The following PIGH variants were observed in gnomAD, a reference collection of about 807,000 sequenced individuals.
The protein encoded by PIGH is phosphatidylinositol glycan anchor biosynthesis class H.
Under a neutral mutation model 20.1 loss-of-function variants are expected in PIGH, and 11 were observed. That is an observed-to-expected ratio of 0.55 (90% confidence interval 0.34 to 0.91). The LOEUF (loss-of-function observed/expected upper bound fraction) is 0.91, where lower values mean the gene tolerates loss of function less well. Among genes scored for constraint, PIGH ranks in the 40% least tolerant of loss-of-function variants. PIGH has a pLI of 0.02. For missense variants in PIGH, 189 were observed against 233.6 expected, an observed-to-expected ratio of 0.81 and a Z score of 1.24; for synonymous variants, 72 against 93.1, an observed-to-expected ratio of 0.77 and a Z score of 1.31.
At chr14:67,598,511 T>C (rs2036514586) in intron 1 of PIGH, among the ~76,000 whole-genome samples, 1 of 147,054 alleles carries the variant, frequency 6.8e-6, no homozygotes, top group African/African-American at 2.5e-5. Flanking sequence ...TTTCCTTCGT[T>C]CTAGGGCTAA....
intron 3 of PIGH, among the ~76,000 whole-genome samples, chr14:67,590,427 C>T (rs911233283): frequency 1.4e-4 from 22 of 152,116 alleles, no homozygotes; most frequent in African/African-American, 2.2e-4. Context: ...GGCACAATCT[C>T]GGCTCACTGA....
rs1409401933 is a variant in PIGH, at chr14:67,600,066, G to C, written c.138C>G (p.Cys46Trp). 1.3e-6 allele frequency: 2 copies of C among 1,591,160 alleles called. No homozygotes were observed. The highest frequency in any genetic ancestry group is 1.8e-5 in the Admixed American group (1 of 56,942). Reference sequence around the variant, plus strand: ...GTCCGTAGGCCGCCAGCCACACCGTGCAGGTGACAGCGGTGAGCGAACGCA... The same window carrying C: ...GTCCGTAGGCCGCCAGCCACACCGTCCAGGTGACAGCGGTGAGCGAACGCA... ...LSLRSLTAVT[C>W]TVWLAAYGLF... The change falls in exon 1 of 4, where the codon TGC becomes TGG. Residue 46 changes from cysteine (C) to tryptophan (W), a missense_variant. Physicochemically the swap from Cys to Trp is radical, Grantham distance 215. Transcript: ENST00000216452.
At chr14:67,595,390 C>T (rs934717330) in intron 1 of PIGH, among the ~76,000 whole-genome samples, 3 of 152,124 alleles carry the variant, frequency 2.0e-5, no homozygotes, top group Admixed American at 6.5e-5. Flanking sequence ...GTCAAACCAT[C>T]GTAAGTTGGG....
At chr14:67,595,509 T>C (rs760025388) in intron 1 of PIGH, among the ~76,000 whole-genome samples, 4 of 152,324 alleles carry the variant, frequency 2.6e-5, no homozygotes, top group East Asian at 1.9e-4. Context: ...CCAGCCCCAA[T>C]TGAACAGTGA....
intron 1 of PIGH, 134 bp downstream of exon 1, chr14:67,599,890 G>T: frequency 1.5e-6 from 1 of 677,180 alleles, no homozygotes. Flanking sequence ...CCCAGAACCC[G>T]TGAGTTCCCG....
intron 3 of PIGH, among the ~76,000 whole-genome samples, chr14:67,590,977 A>G (rs1404899196): frequency 1.3e-5 from 2 of 152,266 alleles, no homozygotes; most frequent in Admixed American, 1.3e-4. Context: ...GTTTTACACA[A>G]TGAAATGTAA....
At chr14:67,595,234 G>T (rs1003110597) in intron 1 of PIGH, among the ~76,000 whole-genome samples, 2 of 152,194 alleles carry the variant, frequency 1.3e-5, no homozygotes, top group South Asian at 4.1e-4. Context: ...GTAACGTGTG[G>T]TAAATCTCAT....
At chr14:67,599,220 T>C (rs1218460030) in intron 1 of PIGH, among the ~76,000 whole-genome samples, 2 of 152,220 alleles carry the variant, frequency 1.3e-5, no homozygotes, top group East Asian at 1.9e-4. Context: ...GGATAATACA[T>C]TCAATTCAGG....
At chr14:67,596,532 G>A (rs1255915802) in intron 1 of PIGH, among the ~76,000 whole-genome samples, 1 of 152,016 alleles carries the variant, frequency 6.6e-6, no homozygotes, top group Non-Finnish European at 1.5e-5. Flanking sequence ...TTCCTTGAGG[G>A]CAGGAAGTGT....
At position 67,600,229 on chromosome 14, in the gene PIGH, C is replaced by G; in HGVS notation, c.-26G>C. On this transcript the variant is annotated 5_prime_UTR_variant, in exon 1 of 4. Transcript: ENST00000216452. ...GACGCCCCCACTCGGCCGCCCGCACCGCGCGGCGCTGCACTGCGCTCGCCG... is the reference window on the plus strand; with the variant it reads ...GACGCCCCCACTCGGCCGCCCGCACGGCGCGGCGCTGCACTGCGCTCGCCG... 2 of 1,542,460 alleles carry G rather than the reference C, an allele frequency of 1.3e-6. No homozygotes were observed. Among genetic ancestry groups the G allele is most frequent in the Non-Finnish European group, 1.7e-6 (2 of 1,145,570 alleles).
rs1186023675 is a variant in PIGH, at chr14:67,589,653, C to T, written c.*427G>A. 2.0e-6 allele frequency: 2 copies of T among 989,488 alleles called. No individual in the cohort carries two copies. Among genetic ancestry groups the T allele is most frequent in the East Asian group, 1.1e-4 (1 of 8,966 alleles). The allele number at this position is 989,488 out of a possible 1,614,324, so 61.3% of individuals were successfully genotyped here. ...GGACATTTCTTCCTGCTAACCAGTACTGAAGGGCTTGTTTTTTTCGTAACT... is the reference window on the plus strand; with the variant it reads ...GGACATTTCTTCCTGCTAACCAGTATTGAAGGGCTTGTTTTTTTCGTAACT... On this transcript the variant is annotated 3_prime_UTR_variant, in exon 4 of 4. Coordinates refer to ENST00000216452, the MANE Select transcript of PIGH (RefSeq NM_004569.5).
intron 2 of PIGH, chr14:67,593,498 AAAAAAG>A: frequency 4.2e-6 from 2 of 471,430 alleles, no homozygotes; most frequent in Non-Finnish European, 7.6e-6. Flanking sequence ...CTCAAAAAAA[AAAAAAG>A]AAAAAAGATA....
chr14:67,594,736 G>A (rs2036439188), intron 1 of PIGH, among the ~76,000 whole-genome samples: 2 of 151,684 alleles, frequency 1.3e-5, no homozygotes, highest in South Asian at 4.2e-4. Context: ...CCCATTATAA[G>A]ATGAAAATGC....
chr14:67,597,254 G>A (rs12895117), intron 1 of PIGH, among the ~76,000 whole-genome samples: 63,922 of 152,238 alleles, frequency 0.42, 15,487 homozygotes, highest in Non-Finnish European at 0.56. Context: ...AACATGGGGG[G>A]ATCGCTTGAG....
In PIGH at chr14:67,589,492, A is replaced by G. The variant is rs2036301668; in HGVS notation, c.*588T>C. Reference sequence around the variant, plus strand: ...TGCTTGACACCATGACTGAAATACTATGATCTTGTTTGTCAATAAAAAGCA... The same window carrying G: ...TGCTTGACACCATGACTGAAATACTGTGATCTTGTTTGTCAATAAAAAGCA... On this transcript the variant is annotated 3_prime_UTR_variant, in exon 4 of 4. Transcript: ENST00000216452. 6.1e-6 allele frequency: 6 copies of G among 984,936 alleles called. No individual in the cohort carries two copies. In the South Asian group the frequency reaches 1.4e-4, roughly 23 times the overall value. The allele number at this position is 984,936 out of a possible 1,614,324, so 61.0% of individuals were successfully genotyped here. A position where few individuals can be genotyped will look rare whatever the true frequency, so the allele number is the denominator to read the frequency against.
chr14:67,591,369 A>T, intron 3 of PIGH, among the ~76,000 whole-genome samples: 1 of 152,308 alleles, frequency 6.6e-6, no homozygotes, highest in East Asian at 1.9e-4. Flanking sequence ...AATCTATAAA[A>T]CTATTCATAA....
chr14:67,599,949 G>T (rs1257253964), intron 1 of PIGH, 75 bp downstream of exon 1: 4 of 1,292,846 alleles, frequency 3.1e-6, no homozygotes, highest in South Asian at 3.2e-5. Context: ...GTCCGGGCTC[G>T]ACCAAAGACC....
At position 67,600,039 on chromosome 14, in the gene PIGH, G is replaced by A. The variant is rs201381653; in HGVS notation, c.165C>T (p.Leu55=). The change falls in exon 1 of 4, where the codon CTC becomes CTT. Residue 55 remains leucine (L), a synonymous_variant. Coordinates refer to ENST00000216452, the MANE Select transcript of PIGH (RefSeq NM_004569.5). ...TTGCCATTACCTCGCAGAGGGTGAA[G>A]AGTCCGTAGGCCGCCAGCCACACCG... ...TCTVWLAAYG[L]FTLCENSMIL... 5.1e-6 allele frequency: 8 copies of A among 1,573,352 alleles called. No homozygotes were observed. Among genetic ancestry groups the A allele is most frequent in the Non-Finnish European group, 6.9e-6 (8 of 1,161,110 alleles).
intron 3 of PIGH, among the ~76,000 whole-genome samples, chr14:67,590,380 G>A (rs2036334560): frequency 6.6e-6 from 1 of 151,688 alleles, no homozygotes; most frequent in Non-Finnish European, 1.5e-5. Flanking sequence ...AGCCTCCCGA[G>A]TAGCTGGGAT....
Sources: allele counts gnomAD v4.1 joint callset (sites outside exome capture counted in the v4.1 genomes callset), GRCh38; gene constraint gnomAD v4.1.1; transcripts MANE v1.5; gene names NCBI Gene and HGNC (gene_info 2026-07-23, HGNC 2026-07-21).